JAK1: variants seen among roughly 807,000 people sequenced by gnomAD.
JAK1 encodes the protein tyrosine-protein kinase JAK1.
Under a neutral mutation model 136.6 loss-of-function variants are expected in JAK1, and 16 were observed. The ratio of observed to expected loss-of-function variants is 0.12; its 90% CI spans 0.08 to 0.18. The LOEUF (loss-of-function observed/expected upper bound fraction) is 0.18. JAK1 is among the 10% of genes least tolerant of loss of function. The pLI is 1.00. For synonymous variants in JAK1, 492 were observed against 519.5 expected (o/e 0.95, Z 0.72); for missense variants, 859 against 1,450.1 (o/e 0.59, Z 6.62).
intron 2 of JAK1, chr1:64,985,059 G>T: frequency 1.1e-6 from 1 of 885,682 alleles, no homozygotes; most frequent in South Asian, 1.3e-5. Flanking sequence ...CATGAGGATG[G>T]AACAAAAAGC....
At chr1:64,969,201 G>T (rs559284551), upstream of JAK1, among the ~76,000 whole-genome samples, 7 of 145,980 alleles carry the variant, frequency 4.8e-5, no homozygotes, top group South Asian at 1.3e-3. Context: ...AAAATAGTGG[G>T]TTTTTTTTTT....
intron 1 of JAK1, among the ~76,000 whole-genome samples, chr1:65,057,545 T>C (rs1261708466): frequency 6.6e-6 from 1 of 152,020 alleles, no homozygotes; most frequent in Non-Finnish European, 1.5e-5. Flanking sequence ...TACTAAAAAT[T>C]TGCAGGTGGG....
intron 1 of JAK1, among the ~76,000 whole-genome samples, chr1:64,899,906 G>A (rs937844548): frequency 5.9e-5 from 9 of 152,134 alleles, no homozygotes; most frequent in African/African-American, 1.7e-4. Flanking sequence ...ATGCATAGAC[G>A]CACACATGTA....
rs1011166359 is a variant in JAK1, at chr1:64,979,240, A to G, written c.-78+65240T>C. On this transcript the variant is annotated intron_variant, in intron 2 of 25. Coordinates refer to the JAK1 transcript ENST00000671954. ...ACCTCCTCTCTATAAAAAAAAATGAATAAATAAAAATTAGCCATGTACAAT... is the reference window on the plus strand; with the variant it reads ...ACCTCCTCTCTATAAAAAAAAATGAGTAAATAAAAATTAGCCATGTACAAT... Among the ~76,000 whole-genome samples, 19 of 152,164 alleles carry G rather than the reference A, an allele frequency of 1.2e-4. 1 individual carries two copies. The highest frequency in any genetic ancestry group is 4.6e-4 in the African/African-American group (19 of 41,424).
chr1:64,844,233 C>T lies in JAK1; in HGVS notation c.2252-18G>A, dbSNP rs761610742. On this transcript the variant is annotated intron_variant, in intron 16 of 24. Transcript: ENST00000342505. This position sits in a 1 kb window ranked among gnomAD's most constrained non-coding sequence, Gnocchi z 5.7. Reference sequence around the variant, plus strand: ...AATGCATTCTGGAAGACAACAGACACACTGATGGAGCAGTTTCTGGGATCT... The same window carrying T: ...AATGCATTCTGGAAGACAACAGACATACTGATGGAGCAGTTTCTGGGATCT... 3 of 1,614,152 alleles carry T rather than the reference C, an allele frequency of 1.9e-6. No homozygotes were observed. Among genetic ancestry groups the T allele is most frequent in the South Asian group, 2.2e-5 (2 of 91,080 alleles).
rs78738760 is a variant in JAK1 at position 64,912,670 on chromosome 1, A to G, written c.-77-26329T>C. ...AGGACTACTCTCATCCCCATTTTAC[A>G]TTCCGGGAGAACTTTGCCAAGGTCA... On this transcript the variant is annotated intron_variant, in intron 1 of 24. Coordinates refer to ENST00000342505, the MANE Select transcript of JAK1 (RefSeq NM_002227.4). 3.0e-3 allele frequency among the ~76,000 whole-genome samples: 455 copies of G among 152,336 alleles called. 1 individual carries two copies. Among genetic ancestry groups the G allele is most frequent in the African/African-American group, 0.01 (427 of 41,588 alleles).
At chr1:64,895,624 T>C (rs539098316) in intron 1 of JAK1, among the ~76,000 whole-genome samples, 2 of 152,362 alleles carry the variant, frequency 1.3e-5, no homozygotes, top group South Asian at 4.1e-4. Flanking sequence ...TACAAACAGC[T>C]GGACTGAGAC....
At chr1:65,024,409 G>A (rs1298030857) in intron 2 of JAK1, among the ~76,000 whole-genome samples, 1 of 152,010 alleles carries the variant, frequency 6.6e-6, no homozygotes, top group African/African-American at 2.4e-5. Context: ...CTTCTTTGGG[G>A]AAATGTCTAT....
At chr1:64,896,967 T>G (rs1395458656) in intron 1 of JAK1, among the ~76,000 whole-genome samples, 1 of 152,154 alleles carries the variant, frequency 6.6e-6, no homozygotes. Flanking sequence ...ACAGGCTTAT[T>G]TTAAACTCTT....
At position 65,038,183 on chromosome 1, in the gene JAK1, T is replaced by C. The variant is rs1166774100; in HGVS notation, c.-78+6297A>G. Among the ~76,000 whole-genome samples the C allele has an allele frequency of 9.3e-5, 14 of 151,324 alleles. No individual in the cohort carries two copies. The East Asian group carries it at 2.6e-3, about 28-fold the overall frequency. On this transcript the variant is annotated intron_variant, in intron 2 of 25. Transcript: ENST00000671954. ...CTTATGTTGCCATTTTGAAATTCTT[T>C]TTCTTTTTTCTTTTCTTTTTTTTTT...
intron 1 of JAK1, among the ~76,000 whole-genome samples, chr1:65,066,104 C>A (rs1648028984): frequency 6.6e-6 from 1 of 152,170 alleles, no homozygotes; most frequent in Non-Finnish European, 1.5e-5. Context: ...AGGGGATTCC[C>A]TGGTTTCTCA....
intron 2 of JAK1, among the ~76,000 whole-genome samples, chr1:64,997,544 G>A (rs1646714409): frequency 1.3e-5 from 2 of 152,146 alleles, no homozygotes; most frequent in East Asian, 1.9e-4. Flanking sequence ...GAGATACAGA[G>A]TATTATAATA....
chr1:64,976,398 C>T (rs929832772), intron 2 of JAK1, among the ~76,000 whole-genome samples: 4 of 152,176 alleles, frequency 2.6e-5, no homozygotes, highest in Admixed American at 6.5e-5. Context: ...CACTATTAAC[C>T]GTCTTTGCAA....
At chr1:64,971,805 C>T (rs1209350791) in intron 2 of JAK1, among the ~76,000 whole-genome samples, 2 of 152,172 alleles carry the variant, frequency 1.3e-5, no homozygotes, top group Non-Finnish European at 2.9e-5. Context: ...GTGATCCACC[C>T]ACCTCGGCCT....
chr1:64,996,577 C>T (rs548186513), intron 2 of JAK1, among the ~76,000 whole-genome samples: 38 of 152,328 alleles, frequency 2.5e-4, no homozygotes, highest in African/African-American at 9.1e-4. Context: ...CATTCTGCAT[C>T]ATATAAATAC....
rs1244140407 is a variant in JAK1 at position 64,855,491 on chromosome 1, T to A, written c.1648+18A>T. On this transcript the variant is annotated intron_variant, in intron 11 of 24. Transcript: ENST00000342505. ...TTACTGATGGGATACAGCCTGGCTC[T>A]GGCACAGGGAGACGAACCTCGGGGC... is the stretch of plus-strand genomic sequence containing the variant. 1 of 1,611,798 alleles carries A rather than the reference T, an allele frequency of 6.2e-7. No individual in the cohort carries two copies.
chr1:64,932,504 G>A (rs1279163167), intron 1 of JAK1, among the ~76,000 whole-genome samples: 1 of 152,150 alleles, frequency 6.6e-6, no homozygotes, highest in African/African-American at 2.4e-5. Context: ...TCGAGGTTGG[G>A]TTCAAACCTA....
chr1:64,981,798 T>C (rs1332530855), intron 2 of JAK1, among the ~76,000 whole-genome samples: 1 of 152,114 alleles, frequency 6.6e-6, no homozygotes, highest in East Asian at 1.9e-4. Flanking sequence ...GGAACTGAAG[T>C]TTTAACAGGG....
intron 10 of JAK1, 26 bp from the exon 11 acceptor site, chr1:64,855,724 C>A (rs1300971695): frequency 6.2e-7 from 1 of 1,601,632 alleles, no homozygotes; most frequent in South Asian, 1.1e-5. Flanking sequence ...CCAGAAATTA[C>A]ATGTTTAAAA....
Sources: gnomAD v4.1 joint callset for allele counts (sites outside exome capture counted in the v4.1 genomes callset) on GRCh38, gnomAD v4.1.1 for gene constraint, Gnocchi (gnomAD v3.1) non-coding constraint, MANE v1.5 for transcripts, NCBI Gene and HGNC (gene_info 2026-07-23, HGNC 2026-07-21) for gene names.